Variants in NOS1 observed in about 807,000 individuals in gnomAD.
The protein encoded by NOS1 is NOS type I.
Under a neutral mutation model 164.5 loss-of-function variants are expected in NOS1, and 51 were observed. The ratio of observed to expected loss-of-function variants is 0.31; its 90% CI spans 0.25 to 0.39. The LOEUF (loss-of-function observed/expected upper bound fraction) is 0.39. Among genes scored for constraint, NOS1 ranks in the 10% least tolerant of loss-of-function variants. NOS1 has a pLI of 1.00. For missense variants in NOS1, 1,362 were observed against 1,885.6 expected (o/e 0.72, Z 5.14); for synonymous variants, 719 against 745.8 (o/e 0.96, Z 0.59).
chr12:117,300,389 T>G (rs767033004), intron 3 of NOS1, among the ~76,000 whole-genome samples: 2 of 152,158 alleles, frequency 1.3e-5, no homozygotes, highest in Non-Finnish European at 2.9e-5. Flanking sequence ...GCAAAATATG[T>G]GGAAATTCCA....
chr12:117,239,026 T>G (rs1424237033), intron 20 of NOS1, among the ~76,000 whole-genome samples: 2 of 152,082 alleles, frequency 1.3e-5, no homozygotes, highest in African/African-American at 4.8e-5. Flanking sequence ...GGGTCTGAGA[T>G]GTAGTTGAAA....
At chr12:117,262,081 T>C (rs1871951545) in intron 13 of NOS1, among the ~76,000 whole-genome samples, 1 of 152,182 alleles carries the variant, frequency 6.6e-6, no homozygotes, top group Non-Finnish European at 1.5e-5. Context: ...AAGTTCATTA[T>C]TTTTTAGAAT....
At chr12:117,300,355 A>T (rs2136041325) in intron 3 of NOS1, among the ~76,000 whole-genome samples, 1 of 152,294 alleles carries the variant, frequency 6.6e-6, no homozygotes, top group South Asian at 2.1e-4. Flanking sequence ...CATTGAATAT[A>T]CTCACTCTTA....
intron 2 of NOS1, among the ~76,000 whole-genome samples, chr12:117,316,174 TATTA>T (rs1874657420): frequency 1.3e-5 from 2 of 152,204 alleles, no homozygotes; most frequent in Non-Finnish European, 2.9e-5. Context: ...GCTGGAAACC[TATTA>T]ATGTCTCCAA....
chr12:117,216,843 C>T (rs767793484), intron 28 of NOS1, among the ~76,000 whole-genome samples: 20 of 152,046 alleles, frequency 1.3e-4, no homozygotes, highest in Admixed American at 6.6e-4. Flanking sequence ...CTACTGGCCA[C>T]GACAGTATGT....
At chr12:117,327,788 A>T (rs868462568) in intron 2 of NOS1, among the ~76,000 whole-genome samples, 2 of 152,072 alleles carry the variant, frequency 1.3e-5, no homozygotes, top group Non-Finnish European at 2.9e-5. Context: ...GAATGTACCG[A>T]GGAAAAAAGG....
chr12:117,243,551 A>ATCCG lies in NOS1; in HGVS notation c.2824-117_2824-116insCGGA. 1 of 651,270 alleles carries ATCCG rather than the reference A, an allele frequency of 1.5e-6. No homozygotes were observed. The highest frequency in any genetic ancestry group is 2.1e-5 in the South Asian group (1 of 48,666). 40.3% of individuals were successfully genotyped at this position (651,270 alleles called of 1,614,324 possible). On this transcript the variant is annotated intron_variant, in intron 18 of 28. Transcript: ENST00000317775. The surrounding 1 kb of genome is among the most constrained non-coding windows in gnomAD (Gnocchi z 4.3). ...CACCCATCCATCCATCTATCCAACC[A>ATCCG]TCCATCCATCCATCCATCCATCCAT...
intron 14 of NOS1, among the ~76,000 whole-genome samples, chr12:117,259,617 G>C (rs1165713501): frequency 6.6e-6 from 1 of 152,176 alleles, no homozygotes; most frequent in Non-Finnish European, 1.5e-5. Context: ...CTTCTGGAAA[G>C]ATGATTGCCC....
intron 2 of NOS1, among the ~76,000 whole-genome samples, chr12:117,322,486 T>C (rs191902691): frequency 1.1e-3 from 150 of 132,378 alleles, no homozygotes; most frequent in African/African-American, 3.9e-3. Flanking sequence ...CCCTCCTTCC[T>C]TTCCTCTCTC....
At chr12:117,222,593 G>A (rs1956725250) in intron 26 of NOS1, 122 bp downstream of exon 26, 2 of 904,842 alleles carry the variant, frequency 2.2e-6, no homozygotes, top group Non-Finnish European at 3.5e-6. Flanking sequence ...CTGAAGTACA[G>A]AGCAACTTCA....
rs9658357 is a variant in NOS1, at chr12:117,285,496, C to G, written c.1291-164G>C. On this transcript the variant is annotated intron_variant, in intron 6 of 28. Coordinates refer to ENST00000317775, the MANE Select transcript of NOS1 (RefSeq NM_000620.5). ...TCCCAGGCTGCATTTTATATTTTCT[C>G]TTTTCTATCCTAATAACCAAGGCCA... 2.0e-5 allele frequency among the ~76,000 whole-genome samples: 3 copies of G among 151,046 alleles called. No individual in the cohort carries two copies. The South Asian group carries it at 6.3e-4, about 32-fold the overall frequency.
intron 13 of NOS1, among the ~76,000 whole-genome samples, chr12:117,262,483 G>A (rs1255292502): frequency 3.6e-5 from 4 of 110,058 alleles, no homozygotes; most frequent in Non-Finnish European, 5.2e-5. Flanking sequence ...GAGAAAGGGG[G>A]AGGGGGAGAG....
At chr12:117,304,029 G>T (rs1391664032) in intron 3 of NOS1, among the ~76,000 whole-genome samples, 1 of 152,118 alleles carries the variant, frequency 6.6e-6, no homozygotes, top group Non-Finnish European at 1.5e-5. Flanking sequence ...AAAATTAGCC[G>T]GGCGTGGCGG....
rs61152712 is a variant in NOS1 at position 117,209,294 on chromosome 12, G to A, written c.*6015C>T. 18,456 of 957,542 alleles carry A rather than the reference G, an allele frequency of 0.019. 2,206 individuals are homozygous for A. In the African/African-American group the frequency reaches 0.25, roughly 13 times the overall value. The allele number at this position is 957,542 out of a possible 1,614,324, so 59.3% of individuals were successfully genotyped here. Reference sequence around the variant, plus strand: ...TACCGTTGGCAGGACACTGCTACAGGTATCTTGTGGATGGAGGCCAGGAAT... The same window carrying A: ...TACCGTTGGCAGGACACTGCTACAGATATCTTGTGGATGGAGGCCAGGAAT... On this transcript the variant is annotated 3_prime_UTR_variant, in exon 29 of 29. Transcript: ENST00000317775.
rs571691045 is a variant in NOS1 at position 117,314,818 on chromosome 12, G to A, written c.726-3226C>T. Among the ~76,000 whole-genome samples, 60 of 152,248 alleles carry A rather than the reference G, an allele frequency of 3.9e-4. 1 individual carries two copies. The East Asian group carries it at 0.01, about 27-fold the overall frequency. ...GATGGGGTTTCACCATGTTGGCCAG[G>A]CTGGTCTCGAGCTCCTGACCTCAGG... On this transcript the variant is annotated intron_variant, in intron 2 of 28. Coordinates refer to ENST00000317775, the MANE Select transcript of NOS1 (RefSeq NM_000620.5).
At chr12:117,263,758 T>C (rs1872132722) in intron 13 of NOS1, 131 bp downstream of exon 13, 6 of 662,776 alleles carry the variant, frequency 9.1e-6, no homozygotes, top group Middle Eastern at 2.5e-4. Context: ...AAGGCCCAGG[T>C]GGCTGAAGAA....
intron 4 of NOS1, among the ~76,000 whole-genome samples, chr12:117,288,664 A>G (rs574921336): frequency 6.6e-6 from 1 of 152,264 alleles, no homozygotes; most frequent in East Asian, 1.9e-4. Context: ...CTCCATGAAG[A>G]AGTGGAACCT....
At chr12:117,276,577 C>T (rs1873200252) in intron 9 of NOS1, among the ~76,000 whole-genome samples, 1 of 152,178 alleles carries the variant, frequency 6.6e-6, no homozygotes, top group Non-Finnish European at 1.5e-5. Context: ...GCCACCATGC[C>T]TCTATTTCTT....
At chr12:117,248,302 C>T (rs1472836813) in intron 17 of NOS1, among the ~76,000 whole-genome samples, 5 of 151,868 alleles carry the variant, frequency 3.3e-5, no homozygotes, top group East Asian at 3.9e-4. Context: ...CCCACTAACT[C>T]GTCATCTAGC....
Sources: gnomAD v4.1 joint callset for allele counts (sites outside exome capture counted in the v4.1 genomes callset) on GRCh38, gnomAD v4.1.1 for gene constraint, Gnocchi (gnomAD v3.1) non-coding constraint, MANE v1.5 for transcripts, NCBI Gene and HGNC (gene_info 2026-07-23, HGNC 2026-07-21) for gene names.